Variants in RBM19 observed in about 807,000 individuals in gnomAD.
The protein encoded by RBM19 is RNA binding motif protein 19, also known as probable RNA-binding protein 19.
Under a neutral mutation model 116.8 loss-of-function variants are expected in RBM19, and 94 were observed. The ratio of observed to expected loss-of-function variants is 0.80; its 90% CI spans 0.68 to 0.95. The LOEUF (loss-of-function observed/expected upper bound fraction) is 0.95. Ranked by LOEUF, RBM19 falls within the 40% of genes least tolerant of loss-of-function variation. The pLI is 0.00. For synonymous variants in RBM19, 475 were observed against 494.1 expected, an observed-to-expected ratio of 0.96 and a Z score of 0.51; for missense variants, 1,161 against 1,220.7, an observed-to-expected ratio of 0.95 and a Z score of 0.73.
intron 20 of RBM19, among the ~76,000 whole-genome samples, chr12:113,915,868 T>C (rs538451284): frequency 2.6e-5 from 4 of 152,182 alleles, no homozygotes; most frequent in African/African-American, 7.2e-5. Flanking sequence ...ATAATGACCA[T>C]GTTAGGACTT....
At chr12:113,826,844 C>A (rs138121222) in intron 23 of RBM19, among the ~76,000 whole-genome samples, 1 of 152,172 alleles carries the variant, frequency 6.6e-6, no homozygotes, top group South Asian at 2.1e-4. Context: ...ACTCATGGGG[C>A]GGGGGCTCTT....
intron 18 of RBM19, among the ~76,000 whole-genome samples, chr12:113,923,263 C>T (rs1158524819): frequency 6.6e-6 from 1 of 152,120 alleles, no homozygotes; most frequent in Non-Finnish European, 1.5e-5. Context: ...AAGGAGGATG[C>T]CCTGTGAACA....
intron 1 of RBM19, 109 bp downstream of exon 1, chr12:113,966,083 G>T: frequency 1.5e-6 from 2 of 1,350,736 alleles, no homozygotes; most frequent in Non-Finnish European, 2.1e-6. Flanking sequence ...TTGGCCCGGA[G>T]TCCTGCCCCA....
At chr12:113,922,360 C>T (rs1045799892) in intron 18 of RBM19, among the ~76,000 whole-genome samples, 11 of 152,186 alleles carry the variant, frequency 7.2e-5, no homozygotes, top group African/African-American at 2.4e-4. Flanking sequence ...CAAACTGTGA[C>T]GGATGGGCCC....
chr12:113,841,422 C>CT (rs71089416), intron 23 of RBM19, among the ~76,000 whole-genome samples: 14,969 of 129,992 alleles, frequency 0.12, 1,121 homozygotes, highest in Non-Finnish European at 0.16. Context: ...TTTTTCTTTT[C>CT]TTTTTTTTTT....
intron 21 of RBM19, among the ~76,000 whole-genome samples, chr12:113,891,692 T>G (rs531273560): frequency 6.6e-6 from 1 of 152,240 alleles, no homozygotes; most frequent in African/African-American, 2.4e-5. Context: ...ATAGACCATT[T>G]TGGGTTGCAG....
At chr12:113,941,801 G>A (rs1870596614) in intron 14 of RBM19, among the ~76,000 whole-genome samples, 1 of 152,174 alleles carries the variant, frequency 6.6e-6, no homozygotes, top group Non-Finnish European at 1.5e-5. Context: ...TTTTAGTCCA[G>A]GCTCCTCTCA....
chr12:113,842,748 G>A (rs550237046), intron 23 of RBM19, among the ~76,000 whole-genome samples: 1 of 152,322 alleles, frequency 6.6e-6, no homozygotes, highest in East Asian at 1.9e-4. Context: ...GGAGGGGGAG[G>A]GAAAGCGAAG....
intron 20 of RBM19, 29 bp downstream of exon 20, chr12:113,918,363 G>C (rs377482708): frequency 6.2e-7 from 1 of 1,613,474 alleles, no homozygotes; most frequent in South Asian, 1.1e-5. Context: ...CAGCTCGTAG[G>C]AAAGGAAATG....
At chr12:113,839,615 G>A (rs1248093242) in intron 23 of RBM19, among the ~76,000 whole-genome samples, 7 of 152,236 alleles carry the variant, frequency 4.6e-5, no homozygotes, top group Admixed American at 1.3e-4. Context: ...CTCACTCACA[G>A]CGGTGGTGTG....
chr12:113,928,843 C>G (rs927338288), intron 16 of RBM19, among the ~76,000 whole-genome samples: 1 of 152,068 alleles, frequency 6.6e-6, no homozygotes, highest in Non-Finnish European at 1.5e-5. Flanking sequence ...CCCAATTTCC[C>G]TAAGTCACAT....
At chr12:113,858,091 G>T (rs1463061835) in intron 22 of RBM19, among the ~76,000 whole-genome samples, 3 of 152,236 alleles carry the variant, frequency 2.0e-5, no homozygotes, top group Non-Finnish European at 4.4e-5. Flanking sequence ...ATGCCACGAG[G>T]GCAGTGGCTT....
chr12:113,959,473 G>C, intron 4 of RBM19, 69 bp from the exon 5 acceptor site: 1 of 1,496,450 alleles, frequency 6.7e-7, no homozygotes, highest in Non-Finnish European at 9.1e-7. Flanking sequence ...AGAAGGCTCA[G>C]GTGGGGCTTG....
At chr12:113,914,310 G>A (rs1354026148) in intron 21 of RBM19, among the ~76,000 whole-genome samples, 1 of 152,214 alleles carries the variant, frequency 6.6e-6, no homozygotes, top group Non-Finnish European at 1.5e-5. Context: ...GCCGTTACCG[G>A]CTGGGTCCCT....
intron 20 of RBM19, among the ~76,000 whole-genome samples, chr12:113,916,955 T>C (rs894725025): frequency 6.6e-5 from 10 of 152,226 alleles, no homozygotes; most frequent in African/African-American, 2.4e-4. Context: ...CAGCAATAGA[T>C]AGCTAAAACA....
intron 18 of RBM19, among the ~76,000 whole-genome samples, chr12:113,923,217 AGT>A (rs1566019238): frequency 6.6e-6 from 1 of 152,198 alleles, no homozygotes. Flanking sequence ...TTTTAAAAAA[AGT>A]GTGGGTGGAT....
chr12:113,835,188 G>A (rs995903592), intron 23 of RBM19, among the ~76,000 whole-genome samples: 1 of 152,102 alleles, frequency 6.6e-6, no homozygotes, highest in Non-Finnish European at 1.5e-5. Context: ...AAGATGAACT[G>A]AGTTAACGCT....
intron 20 of RBM19, among the ~76,000 whole-genome samples, chr12:113,916,277 G>A (rs924740993): frequency 6.6e-6 from 1 of 152,124 alleles, no homozygotes. Context: ...TGTGGTGGCA[G>A]GCGCCTGTAA....
intron 22 of RBM19, among the ~76,000 whole-genome samples, chr12:113,853,330 T>C (rs7961814): frequency 0.65 from 98,357 of 152,132 alleles, 32,243 homozygotes; most frequent in East Asian, 0.97. Flanking sequence ...TCCCTACTGC[T>C]GGCTCCCCCC....
Sources: gnomAD v4.1 joint callset for allele counts (sites outside exome capture counted in the v4.1 genomes callset) on GRCh38, gnomAD v4.1.1 for gene constraint, MANE v1.5 for transcripts, NCBI Gene and HGNC (gene_info 2026-07-23, HGNC 2026-07-21) for gene names.